ROBO2: variants seen among roughly 807,000 people sequenced by gnomAD.
ROBO2 encodes roundabout guidance receptor 2.
ROBO2 carries 53 observed loss-of-function variants against 160.8 expected under a neutral mutation model. The observed-to-expected ratio is 0.33, with a 90% confidence interval of 0.26 to 0.41. The LOEUF (loss-of-function observed/expected upper bound fraction) is 0.41. Ranked by LOEUF, ROBO2 falls within the 10% of genes least tolerant of loss-of-function variation. The probability of loss-of-function intolerance (pLI) is 1.00; values close to 1 mark genes in which losing one functional copy is unlikely to be tolerated. For synonymous variants in ROBO2, 664 were observed against 611.7 expected, an observed-to-expected ratio of 1.09 and a Z score of -1.26; for missense variants, 1,577 against 1,722.4, an observed-to-expected ratio of 0.92 and a Z score of 1.49.
At chr3:77,595,812 A>C (rs1193970168) in intron 18 of ROBO2, among the ~76,000 whole-genome samples, 1 of 152,152 alleles carries the variant, frequency 6.6e-6, no homozygotes, top group Non-Finnish European at 1.5e-5. Flanking sequence ...GGGTCTTCTT[A>C]TTGCAGTTTC....
intron 2 of ROBO2, among the ~76,000 whole-genome samples, chr3:76,397,310 T>C (rs915862710): frequency 1.3e-5 from 2 of 152,080 alleles, no homozygotes; most frequent in South Asian, 4.2e-4. Context: ...TTACACCTTA[T>C]ACAAAAATTA....
chr3:77,418,786 A>G (rs2153529976), intron 2 of ROBO2, among the ~76,000 whole-genome samples: 1 of 152,234 alleles, frequency 6.6e-6, no homozygotes, highest in Middle Eastern at 3.4e-3. Context: ...TTTAAAAACT[A>G]TAAACTATGG....
intron 2 of ROBO2, among the ~76,000 whole-genome samples, chr3:77,170,767 T>C (rs1053184022): frequency 1.4e-4 from 21 of 152,180 alleles, no homozygotes; most frequent in African/African-American, 5.1e-4. Flanking sequence ...CTTAAATGTC[T>C]ACATATTAAT....
intron 2 of ROBO2, among the ~76,000 whole-genome samples, chr3:77,384,067 A>C (rs1282400856): frequency 6.6e-6 from 1 of 152,194 alleles, no homozygotes; most frequent in Non-Finnish European, 1.5e-5. Flanking sequence ...TATGGTGTAA[A>C]ATATGTTCAC....
intron 2 of ROBO2, among the ~76,000 whole-genome samples, chr3:76,258,560 G>T (rs1459723163): frequency 6.6e-6 from 1 of 151,878 alleles, no homozygotes; most frequent in Non-Finnish European, 1.5e-5. Context: ...GCTATCTGTG[G>T]TTATTCATAA....
chr3:77,507,541 G>T (rs2088738270), intron 5 of ROBO2, among the ~76,000 whole-genome samples: 1 of 152,286 alleles, frequency 6.6e-6, no homozygotes, highest in South Asian at 2.1e-4. Context: ...GAGCTCTGTG[G>T]ATTCTTGTGG....
chr3:76,452,598 A>G (rs573121197), intron 2 of ROBO2, among the ~76,000 whole-genome samples: 50 of 152,198 alleles, frequency 3.3e-4, no homozygotes, highest in African/African-American at 1.2e-3. Context: ...GGCTGGTTCC[A>G]AGTCTTTGCT....
At chr3:77,148,046 T>C (rs1307739183) in intron 2 of ROBO2, among the ~76,000 whole-genome samples, 1 of 152,240 alleles carries the variant, frequency 6.6e-6, no homozygotes, top group Admixed American at 6.5e-5. Flanking sequence ...CATCTGCAGG[T>C]CCTTGCATGA....
At chr3:77,248,633 C>T (rs1347287927) in intron 2 of ROBO2, among the ~76,000 whole-genome samples, 1 of 152,190 alleles carries the variant, frequency 6.6e-6, no homozygotes, top group Non-Finnish European at 1.5e-5. Flanking sequence ...CGCCCCCTCC[C>T]TTGAGGAGTG....
intron 2 of ROBO2, among the ~76,000 whole-genome samples, chr3:76,986,287 A>G (rs1349694891): frequency 6.6e-6 from 1 of 152,142 alleles, no homozygotes; most frequent in East Asian, 1.9e-4. Context: ...AGGGCTGTTT[A>G]CTATTGATCA....
At chr3:76,512,566 A>G (rs890204883) in intron 2 of ROBO2, among the ~76,000 whole-genome samples, 3 of 152,116 alleles carry the variant, frequency 2.0e-5, no homozygotes, top group African/African-American at 4.8e-5. Context: ...GCTTCTCAGT[A>G]GCCTGTAAAT....
intron 2 of ROBO2, among the ~76,000 whole-genome samples, chr3:76,077,576 CAAT>C (rs1227793075): frequency 3.3e-5 from 5 of 151,434 alleles, no homozygotes; most frequent in Non-Finnish European, 5.9e-5. Context: ...ATAATATTAA[CAAT>C]AATAATAATA....
chr3:76,934,309 T>C (rs1234863412), intron 2 of ROBO2, among the ~76,000 whole-genome samples: 1 of 152,220 alleles, frequency 6.6e-6, no homozygotes, highest in Non-Finnish European at 1.5e-5. Context: ...AACGTGATGA[T>C]TCTCCCTTAC....
intron 19 of ROBO2, among the ~76,000 whole-genome samples, chr3:77,598,461 A>AAT (rs1467788979): frequency 1.4e-5 from 2 of 146,786 alleles, no homozygotes; most frequent in Non-Finnish European, 1.5e-5. Context: ...ATTTATATAG[A>AAT]ATATATATAT....
chr3:77,025,756 T>G (rs1284068267), intron 2 of ROBO2, among the ~76,000 whole-genome samples: 1 of 152,202 alleles, frequency 6.6e-6, no homozygotes, highest in Non-Finnish European at 1.5e-5. Flanking sequence ...TGCAAATCCC[T>G]GGAGCACTTA....
At chr3:77,275,076 G>C (rs1043593714) in intron 2 of ROBO2, among the ~76,000 whole-genome samples, 2 of 152,028 alleles carry the variant, frequency 1.3e-5, no homozygotes, top group South Asian at 2.1e-4. Context: ...ATTTGCTGAA[G>C]AACATTTGAA....
At chr3:76,120,780 A>C (rs1023490524) in intron 2 of ROBO2, among the ~76,000 whole-genome samples, 1 of 152,136 alleles carries the variant, frequency 6.6e-6, no homozygotes, top group Non-Finnish European at 1.5e-5. Flanking sequence ...GAACCTCTCA[A>C]ATTATCTTGT....
intron 2 of ROBO2, among the ~76,000 whole-genome samples, chr3:77,145,859 A>G (rs1458454915): frequency 6.6e-5 from 10 of 152,140 alleles, no homozygotes; most frequent in Non-Finnish European, 1.5e-5. Context: ...CCAGTGTGGC[A>G]TTATTGCTGT....
chr3:76,079,949 T>C (rs574071958), intron 2 of ROBO2, among the ~76,000 whole-genome samples: 1 of 152,316 alleles, frequency 6.6e-6, no homozygotes, highest in African/African-American at 2.4e-5. Flanking sequence ...ACCAATGATA[T>C]GCCTGATTGT....
Sources: allele counts gnomAD v4.1 joint callset (sites outside exome capture counted in the v4.1 genomes callset), GRCh38; gene constraint gnomAD v4.1.1; transcripts MANE v1.5; gene names NCBI Gene and HGNC (gene_info 2026-07-23, HGNC 2026-07-21).